The following ARHGAP42 variants were observed in gnomAD, a reference collection of about 807,000 sequenced individuals.
The protein encoded by ARHGAP42 is rho GTPase-activating protein 42.
Under a neutral mutation model 125.0 loss-of-function variants are expected in ARHGAP42, and 63 were observed. The ratio of observed to expected loss-of-function variants is 0.50; its 90% CI spans 0.41 to 0.62. ARHGAP42 has a LOEUF of 0.62. Among genes scored for constraint, ARHGAP42 ranks in the 20% least tolerant of loss-of-function variants. The pLI, the probability that ARHGAP42 is intolerant of heterozygous loss-of-function variation, is 0.00. For synonymous variants in ARHGAP42, 339 were observed against 351.0 expected, an observed-to-expected ratio of 0.97 and a Z score of 0.38; for missense variants, 766 against 1,024.2, an observed-to-expected ratio of 0.75 and a Z score of 3.44.
chr11:100,859,039 G>C (rs1865386246), intron 3 of ARHGAP42, among the ~76,000 whole-genome samples: 1 of 152,024 alleles, frequency 6.6e-6, no homozygotes, highest in Non-Finnish European at 1.5e-5. Context: ...ATTTTAGTCA[G>C]GTTGGAAACA....
chr11:100,916,414 T>G (rs1459645081), intron 5 of ARHGAP42, among the ~76,000 whole-genome samples: 1 of 152,012 alleles, frequency 6.6e-6, no homozygotes, highest in Non-Finnish European at 1.5e-5. Flanking sequence ...GGAAAATCAG[T>G]GTCAGAAAGG....
Position 100,965,655 on chromosome 11 carries a change from C to A in ARHGAP42, c.1445-16C>A. 6.5e-7 allele frequency: 1 copy of A among 1,545,650 alleles called. No individual in the cohort carries two copies. The highest frequency in any genetic ancestry group is 8.7e-7 in the Non-Finnish European group (1 of 1,143,202). On this transcript the variant is annotated splice_polypyrimidine_tract_variant and intron_variant, in intron 16 of 23. Transcript: ENST00000298815. ...GAATTAAAACTTGAGCATTTGCAAT[C>A]TTTTTTATGTAACAGAATCTGATGA...
intron 1 of ARHGAP42, among the ~76,000 whole-genome samples, chr11:100,753,380 G>A (rs983349450): frequency 5.9e-5 from 9 of 152,126 alleles, no homozygotes; most frequent in African/African-American, 1.4e-4. Flanking sequence ...GCCCCAGGCC[G>A]TCATTCTTTT....
At chr11:100,904,305 G>A (rs1866660864) in intron 4 of ARHGAP42, among the ~76,000 whole-genome samples, 1 of 149,744 alleles carries the variant, frequency 6.7e-6, no homozygotes, top group Non-Finnish European at 1.5e-5. Flanking sequence ...GTACAGTGGT[G>A]TGATCTCTGC....
intron 17 of ARHGAP42, among the ~76,000 whole-genome samples, chr11:100,972,018 G>T (rs114016808): frequency 6.6e-6 from 1 of 152,132 alleles, no homozygotes; most frequent in African/African-American, 2.4e-5. Flanking sequence ...AGGAAACTTG[G>T]AATGAAACTC....
At chr11:100,875,073 G>GTATC (rs1865779950) in intron 4 of ARHGAP42, among the ~76,000 whole-genome samples, 1 of 110,462 alleles carries the variant, frequency 9.1e-6, no homozygotes, top group African/African-American at 3.6e-5. Context: ...CTAATCCACT[G>GTATC]TCTCTCTCTC....
Position 100,992,196 on chromosome 11 carries a change from C to A in ARHGAP42, c.*3395C>A, listed in dbSNP as rs1858847679. The A allele has an allele frequency of 4.9e-6, 6 of 1,216,730 alleles. No homozygotes were observed. Among genetic ancestry groups the A allele is most frequent in the Non-Finnish European group, 6.8e-6 (6 of 885,354 alleles). 75.4% of individuals were successfully genotyped at this position (1,216,730 alleles called of 1,614,324 possible). The stretch of plus-strand genomic sequence containing the variant: ...CATGTATTCAGGATGCCTTCTTTAG[C>A]ATTTAGAACCCCAACTAGACTTATA... On this transcript the variant is annotated 3_prime_UTR_variant, in exon 24 of 24. Coordinates refer to ENST00000298815, the MANE Select transcript of ARHGAP42 (RefSeq NM_152432.4).
At chr11:100,704,446 G>A (rs1211245735) in intron 1 of ARHGAP42, among the ~76,000 whole-genome samples, 1 of 152,156 alleles carries the variant, frequency 6.6e-6, no homozygotes, top group Non-Finnish European at 1.5e-5. Context: ...GAAAGTGCGT[G>A]AGAGTGATGG....
At chr11:100,977,010 A>T in intron 21 of ARHGAP42, 39 bp downstream of exon 21, 1 of 1,548,374 alleles carries the variant, frequency 6.5e-7, no homozygotes. Flanking sequence ...TCTCCCAGGG[A>T]TACAGAGAGG....
intron 22 of ARHGAP42, among the ~76,000 whole-genome samples, chr11:100,981,177 CCA>C (rs1250559774): frequency 6.6e-6 from 1 of 152,176 alleles, no homozygotes; most frequent in African/African-American, 2.4e-5. Flanking sequence ...TCTCAGCTTG[CCA>C]CATTGTTGGG....
At chr11:100,872,961 G>T (rs1355566208) in intron 4 of ARHGAP42, among the ~76,000 whole-genome samples, 1 of 152,130 alleles carries the variant, frequency 6.6e-6, no homozygotes, top group African/African-American at 2.4e-5. Context: ...TAATTGAAAG[G>T]CATCACTGAT....
chr11:100,928,187 A>C (rs1591301386), intron 6 of ARHGAP42, among the ~76,000 whole-genome samples: 1 of 152,172 alleles, frequency 6.6e-6, no homozygotes, highest in African/African-American at 2.4e-5. Flanking sequence ...CTACTTTTCT[A>C]ATCTTCTTAG....
At chr11:100,742,229 A>ATATG (rs1352226635) in intron 1 of ARHGAP42, among the ~76,000 whole-genome samples, 1 of 152,130 alleles carries the variant, frequency 6.6e-6, no homozygotes, top group East Asian at 1.9e-4. Context: ...ATTTATACAT[A>ATATG]CCCTTGTGTT....
chr11:100,776,925 G>A (rs1863140932), intron 2 of ARHGAP42, among the ~76,000 whole-genome samples: 3 of 148,476 alleles, frequency 2.0e-5, no homozygotes, highest in South Asian at 4.3e-4. Context: ...GGAGGTTGCA[G>A]TGAACTCAGA....
intron 3 of ARHGAP42, among the ~76,000 whole-genome samples, chr11:100,827,285 G>C (rs1864541920): frequency 6.6e-6 from 1 of 152,170 alleles, no homozygotes; most frequent in Non-Finnish European, 1.5e-5. Context: ...TTACAGGCAT[G>C]AGCCACAACG....
chr11:100,757,115 G>T lies in ARHGAP42; in HGVS notation c.155-13228G>T, dbSNP rs147512027. 1.1e-3 allele frequency among the ~76,000 whole-genome samples: 169 copies of T among 152,218 alleles called. 1 individual carries two copies. The highest frequency in any genetic ancestry group is 4.4e-4 in the Non-Finnish European group (30 of 68,000). On this transcript the variant is annotated intron_variant, in intron 1 of 23. Transcript: ENST00000298815. ...GGTGAGAATATAGGAAGATCAATAA[G>T]AATGAGACTTTTTAAAGTGAGAAAA...
At chr11:100,939,032 G>A (rs17646702) in intron 8 of ARHGAP42, among the ~76,000 whole-genome samples, 14,048 of 152,218 alleles carry the variant, frequency 0.092, 939 homozygotes, top group Non-Finnish European at 0.13. Flanking sequence ...AATGGAGATG[G>A]ATGTGATGGG....
At chr11:100,778,627 A>C (rs925051917) in intron 2 of ARHGAP42, among the ~76,000 whole-genome samples, 3 of 152,096 alleles carry the variant, frequency 2.0e-5, no homozygotes, top group African/African-American at 7.2e-5. Flanking sequence ...TAATGATGGA[A>C]GCAGCTGGGA....
chr11:100,942,769 T>C (rs1867917091), intron 9 of ARHGAP42, among the ~76,000 whole-genome samples: 2 of 152,032 alleles, frequency 1.3e-5, no homozygotes, highest in Admixed American at 6.6e-5. Context: ...TAATTCAAAC[T>C]GAAAGACATA....
Sources: allele counts gnomAD v4.1 joint callset (sites outside exome capture counted in the v4.1 genomes callset), GRCh38; gene constraint gnomAD v4.1.1; transcripts MANE v1.5; gene names NCBI Gene and HGNC (gene_info 2026-07-23, HGNC 2026-07-21).